NALCN: variants seen among roughly 807,000 people sequenced by gnomAD.
NALCN encodes the protein sodium leak channel NALCN.
In NALCN, 111 loss-of-function variants were observed where a neutral mutation model predicts 225.3. That is an observed-to-expected ratio of 0.49 (90% CI 0.42 to 0.58). The LOEUF (loss-of-function observed/expected upper bound fraction) is 0.58. Among genes scored for constraint, NALCN ranks in the 20% least tolerant of loss-of-function variants. NALCN has a pLI of 0.00. For synonymous variants in NALCN, 764 were observed against 769.0 expected, an observed-to-expected ratio of 0.99 and a Z score of 0.11; for missense variants, 1,378 against 2,202.4, an observed-to-expected ratio of 0.63 and a Z score of 7.49.
At chr13:101,244,289 C>A (rs2041829548) in intron 11 of NALCN, among the ~76,000 whole-genome samples, 2 of 151,980 alleles carry the variant, frequency 1.3e-5, no homozygotes, top group Admixed American at 1.3e-4. Flanking sequence ...AATTAATCAC[C>A]TTACTAACTG....
chr13:101,310,091 T>C (rs997452646), intron 7 of NALCN, among the ~76,000 whole-genome samples: 1 of 152,132 alleles, frequency 6.6e-6, no homozygotes. Flanking sequence ...GCTACCACCT[T>C]TGTCCAAGCC....
intron 43 of NALCN, among the ~76,000 whole-genome samples, chr13:101,056,130 A>AAAAT (rs1274179872): frequency 6.6e-6 from 1 of 152,070 alleles, no homozygotes; most frequent in East Asian, 1.9e-4. Flanking sequence ...CTGCCCCCTC[A>AAAAT]AAATACTATT....
intron 18 of NALCN, among the ~76,000 whole-genome samples, chr13:101,113,590 A>AT: frequency 6.6e-6 from 1 of 152,190 alleles, no homozygotes; most frequent in East Asian, 1.9e-4. Flanking sequence ...TTGCTTTATT[A>AT]TTTTTTAAAG....
chr13:101,173,654 C>A (rs142756398), intron 15 of NALCN, among the ~76,000 whole-genome samples: 1 of 151,994 alleles, frequency 6.6e-6, no homozygotes, highest in Non-Finnish European at 1.5e-5. Flanking sequence ...AAAGTTTGAA[C>A]GGAGCAAAGA....
chr13:101,132,893 G>A (rs1356769162), intron 17 of NALCN, among the ~76,000 whole-genome samples: 1 of 152,024 alleles, frequency 6.6e-6, no homozygotes, highest in Non-Finnish European at 1.5e-5. Flanking sequence ...ACATCCTAAT[G>A]CAAAATCGAA....
intron 11 of NALCN, among the ~76,000 whole-genome samples, chr13:101,240,700 A>T (rs1045712568): frequency 3.9e-5 from 6 of 152,140 alleles, no homozygotes; most frequent in Admixed American, 1.3e-4. Flanking sequence ...CAGCGTTCAT[A>T]TATAGTGGTT....
rs752685759 is a variant in NALCN, at chr13:101,065,589, A to G, written c.4447-28T>C. 1.9e-6 allele frequency: 3 copies of G among 1,609,674 alleles called. No homozygotes were observed. In the Admixed American group the frequency reaches 5.1e-5, roughly 27 times the overall value. Reference sequence around the variant, plus strand: ...GCGGGGCAGAGCACAAGAAGTAGCAAATCATCAGGCCTCGATGATTCACTT... The same window carrying G: ...GCGGGGCAGAGCACAAGAAGTAGCAGATCATCAGGCCTCGATGATTCACTT... On this transcript the variant is annotated intron_variant, in intron 39 of 43. Transcript: ENST00000251127.
At chr13:101,290,221 G>T (rs1594612735) in intron 9 of NALCN, among the ~76,000 whole-genome samples, 1 of 152,060 alleles carries the variant, frequency 6.6e-6, no homozygotes, top group East Asian at 1.9e-4. Context: ...TGACTTGGTG[G>T]TGCTTCCAAA....
chr13:101,091,580 G>C (rs1190261918), intron 28 of NALCN, among the ~76,000 whole-genome samples: 1 of 152,060 alleles, frequency 6.6e-6, no homozygotes, highest in Non-Finnish European at 1.5e-5. Context: ...ATTTTTTTAT[G>C]TATGAAAGTA....
intron 4 of NALCN, 48 bp downstream of exon 4, chr13:101,378,522 T>C: frequency 7.0e-7 from 1 of 1,435,082 alleles, no homozygotes; most frequent in African/African-American, 1.4e-5. Context: ...GCAAAATAAT[T>C]CCCATTTTGG....
At chr13:101,197,358 G>A (rs2140025030) in intron 13 of NALCN, among the ~76,000 whole-genome samples, 1 of 151,780 alleles carries the variant, frequency 6.6e-6, no homozygotes, top group African/African-American at 2.4e-5. Flanking sequence ...CCTCCTAGCT[G>A]CTATTCGGAG....
intron 15 of NALCN, among the ~76,000 whole-genome samples, chr13:101,155,986 C>T (rs1566355087): frequency 6.6e-6 from 1 of 151,926 alleles, no homozygotes; most frequent in East Asian, 1.9e-4. Context: ...AATCAGTTGT[C>T]CCTCCTCCTT....
rs1203154683 is a variant in NALCN at position 101,144,836 on chromosome 13, A to G, written c.1900T>C (p.Phe634Leu). 1 of 1,613,846 alleles carries G rather than the reference A, an allele frequency of 6.2e-7. No homozygotes were observed. The highest frequency in any genetic ancestry group is 1.7e-5 in the Admixed American group (1 of 60,018). Reference sequence around the variant, plus strand: ...TGAGGTCTGTTTGGAAATTTTTCAAAGATTCGCAGGCGTAAAGGGAGCTTT... The same window carrying G: ...TGAGGTCTGTTTGGAAATTTTTCAAGGATTCGCAGGCGTAAAGGGAGCTTT... The part of the protein sequence containing the change: ...KEKLPLRLRI[F>L]EKFPNRPQMV... Residue 634 changes from phenylalanine (F) to leucine (L), a missense_variant, in exon 16 of 44, where the codon TTT (phenylalanine) becomes CTT (leucine). Transcript: ENST00000251127.
At chr13:101,357,760 G>A (rs1308478571) in intron 6 of NALCN, among the ~76,000 whole-genome samples, 1 of 152,050 alleles carries the variant, frequency 6.6e-6, no homozygotes, top group Non-Finnish European at 1.5e-5. Context: ...AAAGCTGGAG[G>A]CATCATGCTA....
intron 10 of NALCN, among the ~76,000 whole-genome samples, chr13:101,265,666 A>T (rs1284777342): frequency 6.6e-6 from 1 of 152,192 alleles, no homozygotes. Context: ...ATGTAATAAC[A>T]TCTTTAATCC....
intron 7 of NALCN, among the ~76,000 whole-genome samples, chr13:101,326,986 C>G (rs1394694201): frequency 6.6e-6 from 1 of 152,118 alleles, no homozygotes; most frequent in East Asian, 1.9e-4. Flanking sequence ...CGCAGGGCCT[C>G]GTGGGACCTT....
chr13:101,202,506 C>T (rs978713233), intron 13 of NALCN, among the ~76,000 whole-genome samples: 4 of 152,204 alleles, frequency 2.6e-5, no homozygotes, highest in Non-Finnish European at 4.4e-5. Flanking sequence ...TTTCAGATCC[C>T]TCCAATTCAA....
intron 6 of NALCN, among the ~76,000 whole-genome samples, chr13:101,356,554 C>CAA (rs371223892): frequency 6.6e-6 from 1 of 151,870 alleles, no homozygotes; most frequent in African/African-American, 2.4e-5. Flanking sequence ...GCCTACCAAC[C>CAA]AAAAAAAGCC....
chr13:101,322,284 A>T lies in NALCN; in HGVS notation c.799+22982T>A, dbSNP rs112634079. Among the ~76,000 whole-genome samples the T allele has an allele frequency of 9.1e-3, 1,385 of 152,324 alleles. 21 individuals are homozygous for T. The highest frequency in any genetic ancestry group is 0.031 in the African/African-American group (1,309 of 41,572). Reference sequence around the variant, plus strand: ...ATAATGCACAAATATATATGACACAAAGTACGTCAATGTGAACAATACAGA... The same window carrying T: ...ATAATGCACAAATATATATGACACATAGTACGTCAATGTGAACAATACAGA... On this transcript the variant is annotated intron_variant, in intron 7 of 43. Transcript: ENST00000251127.
Sources: gnomAD v4.1 joint callset for allele counts (sites outside exome capture counted in the v4.1 genomes callset) on GRCh38, gnomAD v4.1.1 for gene constraint, MANE v1.5 for transcripts, NCBI Gene and HGNC (gene_info 2026-07-23, HGNC 2026-07-21) for gene names.